Variants in ANKRD30A observed in about 807,000 individuals in gnomAD.
ANKRD30A encodes the protein ankyrin repeat domain-containing protein 30A.
ANKRD30A carries 170 observed loss-of-function variants against 166.3 expected under a neutral mutation model. That is an observed-to-expected ratio of 1.02 (90% CI 0.90 to 1.16). The LOEUF (loss-of-function observed/expected upper bound fraction) is 1.16. ANKRD30A is among the 50% of genes most tolerant of loss of function. ANKRD30A has a pLI of 0.00. For synonymous variants in ANKRD30A, 564 were observed against 508.9 expected, an observed-to-expected ratio of 1.11 and a Z score of -1.46; for missense variants, 1,630 against 1,518.0, an observed-to-expected ratio of 1.07 and a Z score of -1.23.
At chr10:37,201,211 A>G in intron 30 of ANKRD30A, 24 bp from the exon 31 acceptor site, 2 of 1,458,962 alleles carry the variant, frequency 1.4e-6, no homozygotes, top group Non-Finnish European at 1.8e-6. Flanking sequence ...CATTGAAATT[A>G]TTTATTGATA....
At position 37,209,695 on chromosome 10, in the gene ANKRD30A, A is replaced by G. The variant is rs958823484; in HGVS notation, c.2870-6486A>G. On this transcript the variant is annotated intron_variant, in intron 31 of 35. Coordinates refer to ENST00000361713, the MANE Select transcript of ANKRD30A (RefSeq NM_052997.3). ...AATTATACCTCTTTTTTTCTAAAAT[A>G]TTTGGTAGAACTCACCAGTGTAGGA... Among the ~76,000 whole-genome samples the G allele has an allele frequency of 2.6e-5, 4 of 152,092 alleles. No individual in the cohort carries two copies. The East Asian group carries it at 7.7e-4, about 29-fold the overall frequency.
Position 37,149,791 on chromosome 10 carries a change from G to A in ANKRD30A, c.1587G>A (p.Met529Ile). 6.2e-7 allele frequency: 1 copy of A among 1,612,828 alleles called. No homozygotes were observed. The highest frequency in any genetic ancestry group is 8.5e-7 in the Non-Finnish European group (1 of 1,179,138). The change falls in exon 11 of 36, where the codon ATG becomes ATA. Residue 529 changes from methionine (M) to isoleucine (I), a missense_variant. Transcript: ENST00000361713. ...KPSAFKPAIE[M>I]QNSVPNKAFE... ...ACCCCATTTAGCCTGCCATTGAAAT[G>A]CAAAACTCTGTTCCAAATAAAGCCT...
At chr10:37,183,637 G>A (rs1206653087) in intron 24 of ANKRD30A, among the ~76,000 whole-genome samples, 1 of 147,392 alleles carries the variant, frequency 6.8e-6, no homozygotes, top group Non-Finnish European at 1.5e-5. Flanking sequence ...CTTTTCATCT[G>A]TTTACATGGG....
intron 6 of ANKRD30A, among the ~76,000 whole-genome samples, chr10:37,139,645 C>T (rs1179013008): frequency 3.3e-5 from 5 of 152,182 alleles, no homozygotes; most frequent in Admixed American, 3.3e-4. Flanking sequence ...GTGTCTATGT[C>T]CTATAACTTC....
intron 5 of ANKRD30A, 29 bp from the exon 6 acceptor site, chr10:37,136,578 A>T: frequency 9.3e-7 from 1 of 1,075,258 alleles, no homozygotes; most frequent in Non-Finnish European, 1.3e-6. Flanking sequence ...TTAAAATGGT[A>T]ATTTTATTTA....
At chr10:37,239,739 TA>T in the ANKRD30A span, among the ~76,000 whole-genome samples, 1 of 152,114 alleles carries the variant, frequency 6.6e-6, no homozygotes, top group Non-Finnish European at 1.5e-5. Flanking sequence ...ACTACACGTG[TA>T]TAGTCTCTAT....
At chr10:37,162,623 G>T in intron 15 of ANKRD30A, 26 bp from the exon 16 acceptor site, 1 of 1,611,672 alleles carries the variant, frequency 6.2e-7, no homozygotes, top group East Asian at 2.2e-5. Flanking sequence ...ACATATGATT[G>T]ATGATAAATC....
intron 30 of ANKRD30A, among the ~76,000 whole-genome samples, 172 bp from the exon 31 acceptor site, chr10:37,201,063 G>A (rs1841583224): frequency 6.6e-6 from 1 of 151,770 alleles, no homozygotes; most frequent in African/African-American, 2.4e-5. Flanking sequence ...TGTAGAGAGG[G>A]TTATGTGAGG....
At chr10:37,218,267 G>A (rs1338160349) in intron 33 of ANKRD30A, among the ~76,000 whole-genome samples, 1 of 150,838 alleles carries the variant, frequency 6.6e-6, no homozygotes. Context: ...GGGCTCTCTA[G>A]ATTTTATCTT....
chr10:37,241,356 AT>A, the ANKRD30A span: 2 of 150,974 alleles, frequency 1.3e-5, no homozygotes, highest in African/African-American at 4.8e-5. Flanking sequence ...GCTTTTAATG[AT>A]TTTTTAATTT....
chr10:37,247,528 G>A, the ANKRD30A span, among the ~76,000 whole-genome samples: 5 of 151,874 alleles, frequency 3.3e-5, no homozygotes, highest in Non-Finnish European at 7.4e-5. Context: ...GAGGAACAAC[G>A]TACACTGGGC....
intron 17 of ANKRD30A, 23 bp from the exon 18 acceptor site, chr10:37,165,071 T>G: frequency 6.3e-7 from 1 of 1,593,838 alleles, no homozygotes; most frequent in Non-Finnish European, 8.6e-7. Context: ...CTCATGAATG[T>G]ATCTGTGATT....
At chr10:37,192,857 T>C (rs563519177) in intron 25 of ANKRD30A, among the ~76,000 whole-genome samples, 12 of 152,186 alleles carry the variant, frequency 7.9e-5, no homozygotes, top group African/African-American at 2.9e-4. Flanking sequence ...GCATGTTTGA[T>C]GAAATCTAGT....
intron 24 of ANKRD30A, among the ~76,000 whole-genome samples, chr10:37,183,401 G>A (rs1418618633): frequency 6.8e-6 from 1 of 146,110 alleles, no homozygotes; most frequent in Non-Finnish European, 1.5e-5. Context: ...GCTAGAACAA[G>A]AATTTTCAAA....
chr10:37,162,070 G>C (rs73242792), intron 15 of ANKRD30A, among the ~76,000 whole-genome samples: 3,539 of 152,072 alleles, frequency 0.023, 147 homozygotes, highest in African/African-American at 0.081. Context: ...TGCATGAGTG[G>C]ATCCAGAAGC....
intron 31 of ANKRD30A, among the ~76,000 whole-genome samples, chr10:37,215,510 A>C (rs900816743): frequency 1.3e-5 from 2 of 151,268 alleles, no homozygotes; most frequent in African/African-American, 4.8e-5. Context: ...AAGCTTCATC[A>C]CTGTAACCAA....
intron 30 of ANKRD30A, 87 bp from the exon 31 acceptor site, chr10:37,201,147 TA>T (rs1370911873): frequency 8.0e-6 from 9 of 1,121,320 alleles, no homozygotes; most frequent in Middle Eastern, 3.2e-4. Context: ...GACTTTTTTT[TA>T]AAAAAAGATT....
chr10:37,125,874 C>T lies in ANKRD30A; in HGVS notation c.87C>T (p.Asn29=), dbSNP rs1208473107. 28 of 1,493,520 alleles carry T rather than the reference C, an allele frequency of 1.9e-5. No individual in the cohort carries two copies. The East Asian group carries it at 3.6e-4, about 19-fold the overall frequency. 92.5% of individuals were successfully genotyped at this position (1,493,520 alleles called of 1,614,324 possible). ...TCAGCCAGCTAGTCTATACCAGCAA[C>T]GACTCCTACATCGTCCACTCTGGGG... ...SPFSQLVYTS[N]DSYIVHSGDL... is the part of the protein sequence containing the mutation. Residue 29 remains asparagine, a synonymous_variant, in exon 1 of 36, where the codon AAC becomes AAT. Coordinates refer to ENST00000361713, the MANE Select transcript of ANKRD30A (RefSeq NM_052997.3).
the ANKRD30A span, among the ~76,000 whole-genome samples, chr10:37,244,931 A>G: frequency 6.6e-6 from 1 of 152,266 alleles, no homozygotes; most frequent in African/African-American, 2.4e-5. Flanking sequence ...TTTCTGTTTT[A>G]TCTCCATGCT....
Sources: gnomAD v4.1 joint callset for allele counts (sites outside exome capture counted in the v4.1 genomes callset) on GRCh38, gnomAD v4.1.1 for gene constraint, MANE v1.5 for transcripts, NCBI Gene and HGNC (gene_info 2026-07-23, HGNC 2026-07-21) for gene names.